RB1: variants seen among roughly 807,000 people sequenced by gnomAD.
The protein encoded by RB1 is RB transcriptional corepressor 1, also known as retinoblastoma-associated protein.
In RB1, 18 loss-of-function variants were observed where a neutral mutation model predicts 135.4. The observed-to-expected ratio is 0.13, with a 90% confidence interval of 0.09 to 0.20. The LOEUF (loss-of-function observed/expected upper bound fraction) is 0.20, where lower values mean the gene tolerates loss of function less well. Among genes scored for constraint, RB1 ranks in the 10% least tolerant of loss-of-function variants. The pLI, the probability that RB1 is intolerant of heterozygous loss-of-function variation, is 1.00. For synonymous variants in RB1, 365 were observed against 373.2 expected, an observed-to-expected ratio of 0.98 and a Z score of 0.25; for missense variants, 868 against 1,110.0, an observed-to-expected ratio of 0.78 and a Z score of 3.10.
At chr13:48,444,546 CACTT>C (rs940477924) in intron 17 of RB1, 2 of 152,348 alleles carry the variant, frequency 1.3e-5, no homozygotes, top group African/African-American at 4.8e-5. Context: ...AAAGGAAACA[CACTT>C]ACCGGTTTAT....
intron 10 of RB1, among the ~76,000 whole-genome samples, chr13:48,368,110 C>A (rs954826264): frequency 6.6e-6 from 1 of 151,910 alleles, no homozygotes; most frequent in African/African-American, 2.4e-5. Flanking sequence ...TGAAAATATG[C>A]GTAATTTAGA....
At chr13:48,307,496 AT>A in intron 2 of RB1, 90 bp downstream of exon 2, 1 of 1,291,590 alleles carries the variant, frequency 7.7e-7, no homozygotes, top group Admixed American at 1.9e-5. Flanking sequence ...AGATAGAAAA[AT>A]ATAAAGACAA....
chr13:48,418,954 C>A (rs1273621434), intron 17 of RB1, among the ~76,000 whole-genome samples: 1 of 152,102 alleles, frequency 6.6e-6, no homozygotes, highest in African/African-American at 2.4e-5. Flanking sequence ...CTTTAACACC[C>A]CACTGTCAAT....
intron 6 of RB1, among the ~76,000 whole-genome samples, chr13:48,352,917 T>C (rs1490176365): frequency 6.6e-6 from 1 of 152,198 alleles, no homozygotes; most frequent in Non-Finnish European, 1.5e-5. Context: ...AAAAAGGGCA[T>C]CCTTGTCTTG....
At chr13:48,442,610 G>C (rs1297288154) in intron 17 of RB1, among the ~76,000 whole-genome samples, 3 of 152,090 alleles carry the variant, frequency 2.0e-5, no homozygotes, top group Non-Finnish European at 4.4e-5. Flanking sequence ...TCACTGAATT[G>C]AAGATAGTAA....
intron 26 of RB1, among the ~76,000 whole-genome samples, chr13:48,479,458 T>G (rs1260790293): frequency 6.6e-6 from 1 of 152,214 alleles, no homozygotes; most frequent in Admixed American, 6.5e-5. Context: ...ATACCTGAAG[T>G]ATGCAAAGTC....
intron 6 of RB1, among the ~76,000 whole-genome samples, chr13:48,354,782 T>C (rs972783845): frequency 1.3e-5 from 2 of 152,068 alleles, no homozygotes; most frequent in African/African-American, 2.4e-5. Context: ...TACAGTGAAC[T>C]CATTTTTGAC....
At chr13:48,414,476 CAT>C (rs770630553) in intron 17 of RB1, among the ~76,000 whole-genome samples, 1 of 151,404 alleles carries the variant, frequency 6.6e-6, no homozygotes, top group Non-Finnish European at 1.5e-5. Context: ...CTCTATGGCA[CAT>C]GTTTTTCTTG....
At chr13:48,379,085 T>C (rs1948508422) in intron 13 of RB1, among the ~76,000 whole-genome samples, 1 of 152,224 alleles carries the variant, frequency 6.6e-6, no homozygotes, top group African/African-American at 2.4e-5. Flanking sequence ...GACTGTCCTC[T>C]TAATCCTGGA....
At chr13:48,324,431 ATT>A (rs1278859749) in intron 2 of RB1, among the ~76,000 whole-genome samples, 5 of 74,746 alleles carry the variant, frequency 6.7e-5, no homozygotes, top group African/African-American at 1.8e-4. Context: ...TGAGTTCAAT[ATT>A]TTTTTTTTTT....
At chr13:48,420,199 G>A (rs198623) in intron 17 of RB1, among the ~76,000 whole-genome samples, 118,924 of 152,124 alleles carry the variant, frequency 0.78, 52,244 homozygotes, top group Non-Finnish European at 0.97. Flanking sequence ...CAAACAAGTC[G>A]GCTTCATCCC....
intron 9 of RB1, among the ~76,000 whole-genome samples, chr13:48,367,045 G>A (rs925471106): frequency 3.3e-5 from 5 of 151,184 alleles, no homozygotes; most frequent in East Asian, 1.9e-4. Context: ...CTTGAACCCC[G>A]GGGGCAGAGG....
At chr13:48,324,429 ATAT>A (rs982321199) in intron 2 of RB1, among the ~76,000 whole-genome samples, 10 of 55,764 alleles carry the variant, frequency 1.8e-4, no homozygotes, top group Middle Eastern at 0.012. Context: ...CATGAGTTCA[ATAT>A]TTTTTTTTTT....
chr13:48,343,983 T>C (rs905953849), intron 3 of RB1, among the ~76,000 whole-genome samples: 3 of 152,174 alleles, frequency 2.0e-5, no homozygotes, highest in African/African-American at 4.8e-5. Context: ...TTTTTTTGAG[T>C]GAGGGCTATA....
At chr13:48,360,185 T>C in intron 7 of RB1, 58 bp downstream of exon 7, 1 of 1,604,626 alleles carries the variant, frequency 6.2e-7, no homozygotes, top group Non-Finnish European at 8.5e-7. Flanking sequence ...TTATTGAATG[T>C]CTAGTGGGTA....
intron 11 of RB1, among the ~76,000 whole-genome samples, chr13:48,369,924 A>G (rs190428234): frequency 1.3e-5 from 2 of 152,174 alleles, no homozygotes; most frequent in East Asian, 1.9e-4. Context: ...ATTCCATATC[A>G]CAGAGACCAT....
At chr13:48,382,781 C>G (rs919221454) in intron 17 of RB1, among the ~76,000 whole-genome samples, 4 of 152,144 alleles carry the variant, frequency 2.6e-5, no homozygotes, top group African/African-American at 7.2e-5. Flanking sequence ...TGCCGATGTC[C>G]TGAATGGTAT....
chr13:48,379,957 T>TG, intron 14 of RB1, 96 bp from the exon 15 acceptor site: 3 of 368,680 alleles, frequency 8.1e-6, no homozygotes, highest in South Asian at 6.2e-5. Context: ...AGACACCATC[T>TG]AAAAAAAAAA....
At chr13:48,446,633 A>G (rs1949289852) in intron 17 of RB1, among the ~76,000 whole-genome samples, 1 of 152,160 alleles carries the variant, frequency 6.6e-6, no homozygotes, top group African/African-American at 2.4e-5. Flanking sequence ...CTATTTGAGG[A>G]GATATGTGAA....
Sources: gnomAD v4.1 joint callset for allele counts (sites outside exome capture counted in the v4.1 genomes callset) on GRCh38, gnomAD v4.1.1 for gene constraint, MANE v1.5 for transcripts, NCBI Gene and HGNC (gene_info 2026-07-23, HGNC 2026-07-21) for gene names.